SCN9A: variants seen among roughly 807,000 people sequenced by gnomAD.
The protein encoded by SCN9A is sodium voltage-gated channel alpha subunit 9, also known as sodium channel protein type 9 subunit alpha.
SCN9A carries 131 observed loss-of-function variants against 187.0 expected under a neutral mutation model. That is an observed-to-expected ratio of 0.70 (90% CI 0.61 to 0.81). The LOEUF is 0.81. SCN9A is among the 30% of genes least tolerant of loss of function. The pLI, the probability that SCN9A is intolerant of heterozygous loss-of-function variation, is 0.00. For missense variants in SCN9A, 2,252 were observed against 2,396.6 expected, an observed-to-expected ratio of 0.94 and a Z score of 1.26; for synonymous variants, 809 against 808.6, an observed-to-expected ratio of 1.00 and a Z score of -0.01.
intron 26 of SCN9A, among the ~76,000 whole-genome samples, chr2:166,200,421 C>T (rs1693451583): frequency 1.3e-5 from 2 of 152,054 alleles, no homozygotes; most frequent in African/African-American, 2.4e-5. Flanking sequence ...CATTTTTTCC[C>T]TCCATAATAG....
At chr2:166,227,792 T>C (rs1558964868) in intron 22 of SCN9A, 69 bp from the exon 23 acceptor site, 1 of 815,016 alleles carries the variant, frequency 1.2e-6, no homozygotes, top group East Asian at 2.7e-5. Context: ...AACAGAGTTT[T>C]GTCTGTTTAA....
chr2:166,287,158 A>G (rs559611260), intron 10 of SCN9A, among the ~76,000 whole-genome samples: 11 of 152,164 alleles, frequency 7.2e-5, no homozygotes, highest in Non-Finnish European at 1.6e-4. Flanking sequence ...ACCTAGTACT[A>G]TCCCTTTACA....
intron 24 of SCN9A, among the ~76,000 whole-genome samples, chr2:166,206,373 A>C (rs1378540255): frequency 2.6e-5 from 4 of 152,206 alleles, no homozygotes; most frequent in Non-Finnish European, 5.9e-5. Flanking sequence ...AGGGACATGC[A>C]TGAAGCTGGA....
intron 24 of SCN9A, among the ~76,000 whole-genome samples, chr2:166,220,781 A>G (rs190113549): frequency 5.3e-4 from 80 of 152,322 alleles, no homozygotes; most frequent in African/African-American, 1.7e-3. Flanking sequence ...TACTCTTGCC[A>G]CTTGTATTTA....
At chr2:166,202,501 A>T (rs1410695002) in intron 26 of SCN9A, among the ~76,000 whole-genome samples, 3 of 151,804 alleles carry the variant, frequency 2.0e-5, no homozygotes, top group African/African-American at 7.2e-5. Context: ...ATTTAGAATC[A>T]TTTAGACTTA....
chr2:166,231,655 G>A (rs868823998), intron 21 of SCN9A, among the ~76,000 whole-genome samples: 12 of 148,888 alleles, frequency 8.1e-5, no homozygotes, highest in African/African-American at 2.7e-4. Flanking sequence ...GGGTTCAAGC[G>A]ATTCTTCTGC....
intron 2 of SCN9A, among the ~76,000 whole-genome samples, chr2:166,309,120 G>A (rs1698859116): frequency 6.6e-6 from 1 of 151,880 alleles, no homozygotes; most frequent in African/African-American, 2.4e-5. Flanking sequence ...AAAGGGGGAA[G>A]AATGAGAGTG....
intron 18 of SCN9A, among the ~76,000 whole-genome samples, chr2:166,248,828 A>C (rs890382177): frequency 2.0e-5 from 3 of 151,754 alleles, no homozygotes; most frequent in Non-Finnish European, 2.9e-5. Context: ...CACCAAGATC[A>C]ATTAATTTTT....
At chr2:166,266,703 A>G (rs1393211117) in intron 17 of SCN9A, among the ~76,000 whole-genome samples, 2 of 151,678 alleles carry the variant, frequency 1.3e-5, no homozygotes, top group African/African-American at 2.4e-5. Flanking sequence ...AACATGGAAT[A>G]TCTTTCCCTT....
intron 1 of SCN9A, among the ~76,000 whole-genome samples, chr2:166,328,112 T>A (rs1354059309): frequency 6.6e-6 from 1 of 152,172 alleles, no homozygotes; most frequent in Non-Finnish European, 1.5e-5. Context: ...GCCTTTGTAG[T>A]CCCTGACACT....
At chr2:166,278,914 G>A (rs191449789) in intron 14 of SCN9A, among the ~76,000 whole-genome samples, 11 of 152,212 alleles carry the variant, frequency 7.2e-5, no homozygotes, top group Admixed American at 5.2e-4. Context: ...AGGCAACACC[G>A]AAATGAATCC....
intron 1 of SCN9A, among the ~76,000 whole-genome samples, chr2:166,313,996 A>T (rs965408915): frequency 3.9e-5 from 6 of 152,186 alleles, no homozygotes; most frequent in African/African-American, 9.7e-5. Flanking sequence ...CTGAAACAGA[A>T]CACGTCACAT....
chr2:166,233,116 A>G (rs1423091145), intron 21 of SCN9A, among the ~76,000 whole-genome samples: 1 of 148,020 alleles, frequency 6.8e-6, no homozygotes, highest in Non-Finnish European at 1.5e-5. Flanking sequence ...TACTATATAT[A>G]GTATATATGC....
Position 166,288,605 on chromosome 2 carries a change from A to G in SCN9A, c.1146T>C (p.Phe382=), listed in dbSNP as rs1333471270. 1.8e-5 allele frequency: 29 copies of G among 1,611,034 alleles called. No individual in the cohort carries two copies. Among genetic ancestry groups the G allele is most frequent in the Admixed American group, 3.3e-5 (2 of 59,878 alleles). The part of the protein sequence containing the change: ...RAAGKTYMIF[F]VVVIFLGSFY... The stretch of plus-strand genomic sequence containing the variant: ...AGGAGCCCAGGAAAATCACTACGAC[A>G]AAGAAGATCATGTAGGTTTTGCCAG... The change falls in exon 10 of 27, where the codon TTT becomes TTC. Residue 382 remains phenylalanine, a synonymous_variant. Transcript: ENST00000642356.
intron 7 of SCN9A, among the ~76,000 whole-genome samples, chr2:166,300,744 C>T (rs1486846734): frequency 6.6e-6 from 1 of 150,814 alleles, no homozygotes; most frequent in East Asian, 1.9e-4. Flanking sequence ...AACACCTCTT[C>T]ACTAAAACTA....
chr2:166,327,033 TTC>T (rs1306967970), intron 1 of SCN9A, among the ~76,000 whole-genome samples: 1 of 152,192 alleles, frequency 6.6e-6, no homozygotes, highest in Non-Finnish European at 1.5e-5. Flanking sequence ...ACTTTTCATT[TTC>T]TGTCTTGAGA....
At chr2:166,321,311 G>A (rs1380775115) in intron 1 of SCN9A, 1 of 152,056 alleles carries the variant, frequency 6.6e-6, no homozygotes. Flanking sequence ...CTTGAGGGCA[G>A]GAGTTCAAGA....
chr2:166,248,553 G>T (rs1182458945), intron 18 of SCN9A, among the ~76,000 whole-genome samples: 1 of 152,046 alleles, frequency 6.6e-6, no homozygotes, highest in African/African-American at 2.4e-5. Context: ...CCACTCTTAA[G>T]ATTGCACATT....
intron 1 of SCN9A, among the ~76,000 whole-genome samples, chr2:166,337,939 G>A (rs1252414069): frequency 3.3e-5 from 5 of 152,000 alleles, no homozygotes; most frequent in Non-Finnish European, 7.4e-5. Flanking sequence ...TAGGCAGGGG[G>A]AGTTAAATAA....
Sources: gnomAD v4.1 joint callset for allele counts (sites outside exome capture counted in the v4.1 genomes callset) on GRCh38, gnomAD v4.1.1 for gene constraint, MANE v1.5 for transcripts, NCBI Gene and HGNC (gene_info 2026-07-23, HGNC 2026-07-21) for gene names.